Variants in DTNB observed in about 807,000 individuals in gnomAD.
DTNB encodes DTN-B.
A neutral mutation model predicts 90.7 loss-of-function variants in DTNB; 63 were observed. The ratio of observed to expected loss-of-function variants is 0.69; its 90% CI spans 0.57 to 0.86. The LOEUF is 0.86. DTNB is among the 40% of genes least tolerant of loss of function. The probability of loss-of-function intolerance (pLI) is 0.00; values close to 1 mark genes in which losing one functional copy is unlikely to be tolerated. For synonymous variants in DTNB, 277 were observed against 286.7 expected, an observed-to-expected ratio of 0.97 and a Z score of 0.34; for missense variants, 744 against 807.1, an observed-to-expected ratio of 0.92 and a Z score of 0.95.
intron 10 of DTNB, among the ~76,000 whole-genome samples, chr2:25,480,802 C>T (rs182634683): frequency 4.6e-5 from 7 of 152,238 alleles, no homozygotes; most frequent in Admixed American, 2.0e-4. Flanking sequence ...GGTTTTGAAA[C>T]GGAAACATCT....
intron 3 of DTNB, among the ~76,000 whole-genome samples, chr2:25,636,756 T>C (rs1288844907): frequency 6.6e-6 from 1 of 152,118 alleles, no homozygotes; most frequent in Non-Finnish European, 1.5e-5. Context: ...TTTCTTCCTT[T>C]TTTTTCCTAT....
intron 1 of DTNB, among the ~76,000 whole-genome samples, chr2:25,664,127 G>A (rs1441988660): frequency 6.6e-6 from 1 of 152,092 alleles, no homozygotes; most frequent in Non-Finnish European, 1.5e-5. Flanking sequence ...GTGTATATAA[G>A]TCCATATTTT....
intron 4 of DTNB, among the ~76,000 whole-genome samples, chr2:25,612,349 A>G (rs774768640): frequency 6.6e-6 from 1 of 152,148 alleles, no homozygotes; most frequent in Admixed American, 6.6e-5. Context: ...TGTATAAACT[A>G]TATGTGACAG....
chr2:25,603,087 T>C (rs1023216159), intron 5 of DTNB, among the ~76,000 whole-genome samples: 5 of 152,208 alleles, frequency 3.3e-5, no homozygotes, highest in African/African-American at 2.4e-5. Context: ...CCTTTCAAAA[T>C]AGTAGCACCA....
At chr2:25,667,294 G>C (rs2084679712) in intron 1 of DTNB, among the ~76,000 whole-genome samples, 1 of 152,046 alleles carries the variant, frequency 6.6e-6, no homozygotes, top group African/African-American at 2.4e-5. Flanking sequence ...TTTGAGACCA[G>C]CCTGGCCAAC....
chr2:25,582,256 C>T (rs1015004458), intron 6 of DTNB, among the ~76,000 whole-genome samples: 13 of 152,094 alleles, frequency 8.5e-5, no homozygotes, highest in African/African-American at 2.2e-4. Context: ...GCCTGAAGGA[C>T]GGAGGCCCCC....
chr2:25,500,433 C>G (rs2070291140), intron 9 of DTNB, among the ~76,000 whole-genome samples: 1 of 152,156 alleles, frequency 6.6e-6, no homozygotes, highest in Admixed American at 6.5e-5. Context: ...CTCATGCGTA[C>G]TAAACACATC....
chr2:25,480,110 G>C (rs1375474818), intron 10 of DTNB, among the ~76,000 whole-genome samples: 1 of 152,148 alleles, frequency 6.6e-6, no homozygotes, highest in African/African-American at 2.4e-5. Context: ...TATGAATTAG[G>C]TAATTAGTAT....
chr2:25,639,830 T>A (rs538629270), intron 2 of DTNB, among the ~76,000 whole-genome samples: 10 of 152,312 alleles, frequency 6.6e-5, no homozygotes, highest in African/African-American at 2.2e-4. Context: ...TCCGGGATGC[T>A]TGTGCTGGGA....
chr2:25,618,616 AAATAT>A (rs2071503849), intron 4 of DTNB, among the ~76,000 whole-genome samples: 2 of 152,224 alleles, frequency 1.3e-5, no homozygotes, highest in Non-Finnish European at 2.9e-5. Flanking sequence ...TCAACATTTG[AAATAT>A]AACGCCATTA....
chr2:25,619,112 ACTAT>A (rs1452455019), intron 4 of DTNB, among the ~76,000 whole-genome samples: 2 of 151,718 alleles, frequency 1.3e-5, no homozygotes, highest in Admixed American at 1.3e-4. Context: ...CTAGCTTTAC[ACTAT>A]CTAGTAGGAG....
At chr2:25,669,986 T>C (rs1202789535) in intron 1 of DTNB, among the ~76,000 whole-genome samples, 3 of 151,992 alleles carry the variant, frequency 2.0e-5, no homozygotes, top group Non-Finnish European at 4.4e-5. Context: ...AACATGGTTA[T>C]AGCCCCATCA....
intron 1 of DTNB, chr2:25,672,871 T>A (rs906955750): frequency 6.6e-6 from 1 of 152,148 alleles, no homozygotes; most frequent in Non-Finnish European, 1.5e-5. Flanking sequence ...CTCGGGACAC[T>A]TCTTTCCTGT....
chr2:25,617,931 A>G (rs1479813625), intron 4 of DTNB, among the ~76,000 whole-genome samples: 1 of 152,216 alleles, frequency 6.6e-6, no homozygotes, highest in African/African-American at 2.4e-5. Context: ...AAATTCCAGT[A>G]TAACTTGGCA....
intron 9 of DTNB, among the ~76,000 whole-genome samples, chr2:25,526,362 AAT>A (rs1273988960): frequency 0.02 from 2,015 of 99,580 alleles, 53 homozygotes; most frequent in Non-Finnish European, 0.028. Flanking sequence ...AATATATATA[AAT>A]ATATATATAT....
intron 5 of DTNB, among the ~76,000 whole-genome samples, chr2:25,602,336 A>T (rs2066076880): frequency 6.6e-6 from 1 of 152,056 alleles, no homozygotes; most frequent in East Asian, 1.9e-4. Flanking sequence ...TTTAAGGCTT[A>T]TCTTTTACTT....
intron 8 of DTNB, among the ~76,000 whole-genome samples, chr2:25,537,288 C>A (rs1279692364): frequency 6.6e-6 from 1 of 152,104 alleles, no homozygotes; most frequent in Non-Finnish European, 1.5e-5. Context: ...CTGCATCTGT[C>A]ATCCATGTAT....
chr2:25,437,861 C>A (rs1019322445), intron 12 of DTNB, among the ~76,000 whole-genome samples: 50 of 152,192 alleles, frequency 3.3e-4, no homozygotes, highest in African/African-American at 1.2e-3. Context: ...GTGAATAGCC[C>A]CACCCCCATG....
intron 8 of DTNB, among the ~76,000 whole-genome samples, chr2:25,569,824 G>A (rs1022369771): frequency 4.6e-5 from 7 of 152,258 alleles, no homozygotes; most frequent in African/African-American, 1.4e-4. Flanking sequence ...GTGGCCGGGC[G>A]TGGTGGCTCA....
Sources: allele counts gnomAD v4.1 joint callset (sites outside exome capture counted in the v4.1 genomes callset), GRCh38; gene constraint gnomAD v4.1.1; transcripts MANE v1.5; gene names NCBI Gene and HGNC (gene_info 2026-07-23, HGNC 2026-07-21).